The following GPATCH2 variants were observed in gnomAD, a reference collection of about 807,000 sequenced individuals.
The protein encoded by GPATCH2 is G-patch domain containing 2, also known as G patch domain-containing protein 2.
GPATCH2 carries 51 observed loss-of-function variants against 58.0 expected under a neutral mutation model. The observed-to-expected ratio is 0.88, with a 90% CI of 0.70 to 1.11. The LOEUF (loss-of-function observed/expected upper bound fraction) is 1.11. Among genes scored for constraint, GPATCH2 ranks in the 50% most tolerant of loss-of-function variants. GPATCH2 has a pLI of 0.00. For synonymous variants in GPATCH2, 222 were observed against 218.5 expected (o/e 1.02, Z -0.14); for missense variants, 625 against 652.2 (o/e 0.96, Z 0.45).
intron 5 of GPATCH2, among the ~76,000 whole-genome samples, chr1:217,551,784 T>C (rs577357866): frequency 6.6e-6 from 1 of 152,234 alleles, no homozygotes; most frequent in East Asian, 1.9e-4. Context: ...TTAACCCAGT[T>C]TTCAAGGGAG....
intron 5 of GPATCH2, among the ~76,000 whole-genome samples, chr1:217,519,281 T>C (rs1372915021): frequency 6.6e-6 from 1 of 152,218 alleles, no homozygotes; most frequent in Non-Finnish European, 1.5e-5. Flanking sequence ...ATTCTTATAA[T>C]ATTACAGAAT....
intron 5 of GPATCH2, chr1:217,608,743 G>T (rs1055649189): frequency 2.3e-5 from 23 of 981,794 alleles, no homozygotes; most frequent in African/African-American, 3.5e-5. Flanking sequence ...AAGCATTTAT[G>T]TAATTCAGAA....
At chr1:217,522,808 A>G (rs1456494213) in intron 5 of GPATCH2, among the ~76,000 whole-genome samples, 1 of 149,934 alleles carries the variant, frequency 6.7e-6, no homozygotes, top group Admixed American at 6.6e-5. Flanking sequence ...TTTAAAAACA[A>G]ATAGTTTTGG....
intron 5 of GPATCH2, among the ~76,000 whole-genome samples, chr1:217,581,735 G>A (rs1038330501): frequency 9.2e-5 from 14 of 152,100 alleles, no homozygotes; most frequent in African/African-American, 3.1e-4. Context: ...GGCAGATCAC[G>A]AGGTCAGGAG....
At chr1:217,629,681 C>G (rs1669643357) in intron 1 of GPATCH2, among the ~76,000 whole-genome samples, 1 of 151,978 alleles carries the variant, frequency 6.6e-6, no homozygotes, top group African/African-American at 2.4e-5. Flanking sequence ...ATGCAATTGC[C>G]AAAACTAATA....
At chr1:217,510,012 C>T (rs1272864110) in intron 6 of GPATCH2, among the ~76,000 whole-genome samples, 1 of 152,184 alleles carries the variant, frequency 6.6e-6, no homozygotes, top group African/African-American at 2.4e-5. Context: ...AGCTCTGAAA[C>T]TGCCTCCTTC....
chr1:217,460,117 T>C (rs566544839), intron 8 of GPATCH2, among the ~76,000 whole-genome samples: 188 of 152,312 alleles, frequency 1.2e-3, no homozygotes, highest in South Asian at 4.8e-3. Context: ...ATATAAAAGG[T>C]ATTATGCCAG....
At chr1:217,565,329 T>A (rs1666167960) in intron 5 of GPATCH2, among the ~76,000 whole-genome samples, 1 of 152,216 alleles carries the variant, frequency 6.6e-6, no homozygotes, top group South Asian at 2.1e-4. Context: ...CTTAATACTT[T>A]GTATTTGTAT....
chr1:217,590,928 T>A (rs190806761), intron 5 of GPATCH2, among the ~76,000 whole-genome samples: 7 of 152,144 alleles, frequency 4.6e-5, no homozygotes, highest in Non-Finnish European at 8.8e-5. Flanking sequence ...TTATTCTGCA[T>A]CAGCTAGAGA....
chr1:217,449,342 G>A lies in GPATCH2; in HGVS notation c.1278-5C>T, dbSNP rs181634293. The A allele has an allele frequency of 1.5e-4, 230 of 1,544,600 alleles. 1 individual carries two copies. In the Admixed American group the frequency reaches 3.5e-3, roughly 24 times the overall value. On this transcript the variant is annotated splice_polypyrimidine_tract_variant and splice_region_variant and intron_variant, in intron 8 of 9. Transcript: ENST00000366935. ...CCTAAATGCATGCTTGTTTGCCTAC[G>A]AATAATTATCAGAAAAAACTATTAA...
intron 5 of GPATCH2, among the ~76,000 whole-genome samples, chr1:217,527,511 C>A (rs1663973302): frequency 6.7e-6 from 1 of 149,072 alleles, no homozygotes. Flanking sequence ...GAGTTAAAGA[C>A]CAAAAGAATC....
chr1:217,591,915 GC>G (rs1168801633), intron 5 of GPATCH2, among the ~76,000 whole-genome samples: 1 of 151,934 alleles, frequency 6.6e-6, no homozygotes, highest in Non-Finnish European at 1.5e-5. Flanking sequence ...TTTACAGCTA[GC>G]TAAATGTATT....
At position 217,429,084 on chromosome 1, in the gene GPATCH2, C is replaced by G. The variant is rs1658421309; in HGVS notation, c.*2061G>C. On this transcript the variant is annotated 3_prime_UTR_variant, in exon 10 of 10. Coordinates refer to ENST00000366935, the MANE Select transcript of GPATCH2 (RefSeq NM_018040.5). Reference sequence around the variant, plus strand: ...GAGATTCTAGGATTTTAGCAGATCTCCAGGCAATCAAATTAACAAAACCTC... The same window carrying G: ...GAGATTCTAGGATTTTAGCAGATCTGCAGGCAATCAAATTAACAAAACCTC... 6.6e-6 allele frequency: 1 copy of G among 152,008 alleles called. No homozygotes were observed. The highest frequency in any genetic ancestry group is 1.5e-5 in the Non-Finnish European group (1 of 68,018). The allele number at this position is 152,008 out of a possible 1,614,324, so 9.4% of individuals were successfully genotyped here. A position where few individuals can be genotyped will look rare whatever the true frequency, so the allele number is the denominator to read the frequency against.
intron 5 of GPATCH2, among the ~76,000 whole-genome samples, chr1:217,535,035 A>C (rs1163968467): frequency 1.3e-5 from 2 of 152,234 alleles, no homozygotes; most frequent in Non-Finnish European, 2.9e-5. Context: ...TAATACACAT[A>C]AAGTGCTTGG....
chr1:217,582,150 C>A (rs905258999), intron 5 of GPATCH2, among the ~76,000 whole-genome samples: 1 of 152,138 alleles, frequency 6.6e-6, no homozygotes, highest in African/African-American at 2.4e-5. Context: ...TGTTCACTCT[C>A]CCCTACTTCT....
intron 5 of GPATCH2, among the ~76,000 whole-genome samples, chr1:217,586,596 T>G (rs978789926): frequency 2.0e-5 from 3 of 152,192 alleles, no homozygotes; most frequent in African/African-American, 7.2e-5. Context: ...CGGTTACATT[T>G]TTGAAGGAGG....
chr1:217,622,797 G>A (rs542894283), intron 1 of GPATCH2, among the ~76,000 whole-genome samples: 20 of 152,252 alleles, frequency 1.3e-4, no homozygotes, highest in African/African-American at 3.4e-4. Context: ...CACCCGCCAC[G>A]CTTCTCAGTG....
chr1:217,549,203 T>C (rs1487976064), intron 5 of GPATCH2, among the ~76,000 whole-genome samples: 1 of 152,190 alleles, frequency 6.6e-6, no homozygotes, highest in African/African-American at 2.4e-5. Flanking sequence ...GAACATATTA[T>C]GGGTTAGACA....
chr1:217,538,084 G>A (rs1000394693), intron 5 of GPATCH2, among the ~76,000 whole-genome samples: 1 of 152,050 alleles, frequency 6.6e-6, no homozygotes, highest in African/African-American at 2.4e-5. Flanking sequence ...ATAGATTCCT[G>A]TAGGTATCAA....
Sources: allele counts gnomAD v4.1 joint callset (sites outside exome capture counted in the v4.1 genomes callset), GRCh38; gene constraint gnomAD v4.1.1; transcripts MANE v1.5; gene names NCBI Gene and HGNC (gene_info 2026-07-23, HGNC 2026-07-21).